Variants in CNBD1 observed in about 807,000 individuals in gnomAD.
The protein encoded by CNBD1 is cyclic nucleotide binding domain containing 1, also known as cyclic nucleotide-binding domain-containing protein 1.
In CNBD1, 71 loss-of-function variants were observed where a neutral mutation model predicts 54.4. That is an observed-to-expected ratio of 1.30 (90% CI 1.08 to 1.59). The LOEUF (loss-of-function observed/expected upper bound fraction) is 1.59. CNBD1 is among the 40% of genes most tolerant of loss of function. The pLI is 0.00. For missense variants in CNBD1, 659 were observed against 518.0 expected, an observed-to-expected ratio of 1.27 and a Z score of -2.64; for synonymous variants, 182 against 170.7, an observed-to-expected ratio of 1.07 and a Z score of -0.51.
chr8:87,060,202 A>G (rs1300756819), intron 4 of CNBD1, among the ~76,000 whole-genome samples: 1 of 152,226 alleles, frequency 6.6e-6, no homozygotes, highest in African/African-American at 2.4e-5. Context: ...GCCTTGTGAA[A>G]CCATGAGCAG....
At chr8:86,955,910 C>G (rs1378460549) in intron 4 of CNBD1, among the ~76,000 whole-genome samples, 4 of 152,176 alleles carry the variant, frequency 2.6e-5, no homozygotes, top group Admixed American at 2.0e-4. Context: ...TTGCCCATGC[C>G]TATATCCTGA....
At chr8:86,989,049 T>A (rs779451357) in intron 4 of CNBD1, among the ~76,000 whole-genome samples, 2 of 151,986 alleles carry the variant, frequency 1.3e-5, no homozygotes, top group Non-Finnish European at 2.9e-5. Flanking sequence ...GTGGTTAGGA[T>A]TGTTTGAACT....
At chr8:87,270,162 A>G (rs932678306) in intron 6 of CNBD1, among the ~76,000 whole-genome samples, 1 of 151,994 alleles carries the variant, frequency 6.6e-6, no homozygotes, top group Admixed American at 6.6e-5. Context: ...TAAAAACCAC[A>G]TGATCATCTC....
chr8:87,238,254 T>C (rs1807622163), intron 6 of CNBD1, among the ~76,000 whole-genome samples: 1 of 152,048 alleles, frequency 6.6e-6, no homozygotes, highest in Non-Finnish European at 1.5e-5. Flanking sequence ...TTCAGAGGCT[T>C]CCACTTAATC....
At chr8:87,347,412 T>C (rs993533268) in intron 8 of CNBD1, among the ~76,000 whole-genome samples, 1 of 152,166 alleles carries the variant, frequency 6.6e-6, no homozygotes, top group African/African-American at 2.4e-5. Flanking sequence ...AAGATAAATA[T>C]CCTTGCCTTG....
intron 6 of CNBD1, among the ~76,000 whole-genome samples, chr8:87,279,201 C>T (rs550583614): frequency 4.3e-4 from 65 of 151,238 alleles, no homozygotes; most frequent in Non-Finnish European, 7.0e-4. Flanking sequence ...ATGAGGGACA[C>T]TGTAATTTAG....
At chr8:87,150,284 A>G (rs966181412) in intron 4 of CNBD1, among the ~76,000 whole-genome samples, 9 of 152,202 alleles carry the variant, frequency 5.9e-5, no homozygotes, top group Non-Finnish European at 1.2e-4. Context: ...TTAGGAATAG[A>G]GAAACATTTG....
chr8:87,382,190 T>G (rs1211703345), intron 10 of CNBD1, among the ~76,000 whole-genome samples: 1 of 151,972 alleles, frequency 6.6e-6, no homozygotes, highest in Non-Finnish European at 1.5e-5. Context: ...AATATAGCTC[T>G]GTTCAGCATT....
chr8:87,065,790 A>G (rs1268037217), intron 4 of CNBD1, among the ~76,000 whole-genome samples: 2 of 151,984 alleles, frequency 1.3e-5, no homozygotes, highest in Non-Finnish European at 2.9e-5. Flanking sequence ...CAGCCTTAGG[A>G]GAAAACTGGG....
At chr8:87,160,310 A>T (rs1380667906) in intron 4 of CNBD1, among the ~76,000 whole-genome samples, 2 of 152,022 alleles carry the variant, frequency 1.3e-5, no homozygotes, top group Non-Finnish European at 2.9e-5. Context: ...ATAGATTATT[A>T]AAAAATAATA....
chr8:87,190,886 C>CCTCTATCTATTTA (rs1427428611), intron 4 of CNBD1, among the ~76,000 whole-genome samples: 1 of 132,172 alleles, frequency 7.6e-6, no homozygotes, highest in Admixed American at 7.5e-5. Context: ...GATACATGTA[C>CCTCTATCTATTTA]GTATATCTAT....
chr8:86,960,117 G>T (rs1418460651), intron 4 of CNBD1, among the ~76,000 whole-genome samples: 1 of 152,138 alleles, frequency 6.6e-6, no homozygotes, highest in Non-Finnish European at 1.5e-5. Flanking sequence ...GAGGTACCAG[G>T]TTCATCTCAC....
chr8:87,372,885 G>T (rs76665826), intron 10 of CNBD1, among the ~76,000 whole-genome samples: 1 of 151,758 alleles, frequency 6.6e-6, no homozygotes, highest in African/African-American at 2.4e-5. Flanking sequence ...CTCCCAGGAA[G>T]AGCATTGTCA....
intron 6 of CNBD1, among the ~76,000 whole-genome samples, chr8:87,251,465 G>A (rs1207469862): frequency 6.6e-6 from 1 of 151,990 alleles, no homozygotes; most frequent in Non-Finnish European, 1.5e-5. Context: ...GCCGGCACCT[G>A]TAATCCCAGC....
chr8:86,866,661 G>T, intron 1 of CNBD1, 78 bp downstream of exon 1: 2 of 1,009,740 alleles, frequency 2.0e-6, no homozygotes, highest in South Asian at 2.8e-5. Context: ...TGAAAATTGG[G>T]GGTATTTCAG....
Position 87,338,993 on chromosome 8 carries a change from G to A in CNBD1, c.1043-12692G>A, listed in dbSNP as rs77753429. ...TGCTTCACAGTTTTCTCTTCCTTTA[G>A]GTGGGACCAGAGGCCTAAAATGGGC... is the stretch of plus-strand genomic sequence containing the variant. On this transcript the variant is annotated intron_variant, in intron 8 of 10. Coordinates refer to ENST00000518476, the MANE Select transcript of CNBD1 (RefSeq NM_173538.3). 8.8e-3 allele frequency among the ~76,000 whole-genome samples: 1,333 copies of A among 152,124 alleles called. 35 individuals carry two copies. Among genetic ancestry groups the A allele is most frequent in the African/African-American group, 0.03 (1,264 of 41,498 alleles).
At chr8:86,988,675 C>T (rs977565177) in intron 4 of CNBD1, among the ~76,000 whole-genome samples, 5 of 152,238 alleles carry the variant, frequency 3.3e-5, no homozygotes, top group African/African-American at 9.6e-5. Flanking sequence ...TCCCACATCC[C>T]CCCCTTTCCC....
intron 4 of CNBD1, among the ~76,000 whole-genome samples, chr8:87,039,284 T>A (rs1033263460): frequency 6.6e-6 from 1 of 152,190 alleles, no homozygotes; most frequent in Non-Finnish European, 1.5e-5. Flanking sequence ...TAAAACATTT[T>A]AGAATTTATA....
intron 4 of CNBD1, among the ~76,000 whole-genome samples, chr8:87,171,968 A>G (rs1409293236): frequency 6.6e-6 from 1 of 152,008 alleles, no homozygotes; most frequent in African/African-American, 2.4e-5. Context: ...ACTTACAGCT[A>G]TACACTTCCT....
Sources: allele counts gnomAD v4.1 joint callset (sites outside exome capture counted in the v4.1 genomes callset), GRCh38; gene constraint gnomAD v4.1.1; transcripts MANE v1.5; gene names NCBI Gene and HGNC (gene_info 2026-07-23, HGNC 2026-07-21).